NUP214: variants seen among roughly 807,000 people sequenced by gnomAD.
The protein encoded by NUP214 is nuclear pore complex protein Nup214.
Under a neutral mutation model 196.2 loss-of-function variants are expected in NUP214, and 79 were observed. The ratio of observed to expected loss-of-function variants is 0.40; its 90% CI spans 0.34 to 0.49. The LOEUF is 0.49. NUP214 is among the 20% of genes least tolerant of loss of function. The pLI is 0.58. For synonymous variants in NUP214, 1,020 were observed against 990.5 expected (o/e 1.03, Z -0.56); for missense variants, 2,468 against 2,539.0 (o/e 0.97, Z 0.60).
At chr9:131,210,154 C>T (rs1032398679) in intron 30 of NUP214, among the ~76,000 whole-genome samples, 4 of 152,168 alleles carry the variant, frequency 2.6e-5, no homozygotes, top group Non-Finnish European at 5.9e-5. Flanking sequence ...ACATACAGAG[C>T]AACCAAAAAA....
intron 3 of NUP214, chr9:131,128,873 C>T (rs186180191): frequency 2.8e-5 from 8 of 288,462 alleles, no homozygotes; most frequent in East Asian, 8.9e-5. Context: ...CCTTGTCCCT[C>T]GTTCATGCCT....
Position 131,192,229 on chromosome 9 carries a change from C to A in NUP214, c.3596C>A (p.Ala1199Asp). 8.4e-7 allele frequency: 1 copy of A among 1,192,312 alleles called. No individual in the cohort carries two copies. The allele number at this position is 1,192,312 out of a possible 1,614,324, so 73.9% of individuals were successfully genotyped here. The change falls in exon 27 of 36, where the codon GCT becomes GAT. Residue 1199 changes from alanine to aspartate, a missense_variant. Ala to Asp is a moderately radical substitution (Grantham distance 126). Around this residue, in one of 5 missense-constraint regions of NUP214, gnomAD observed 1,801 missense variants for 1,779.4 expected, o/e 1.01. Coordinates refer to ENST00000359428, the MANE Select transcript of NUP214 (RefSeq NM_005085.4). ...TCAGGGACAGCCAAGATAGAAACAG[C>A]TGTGACTTCAACCCCATCTGCTTCT... is the stretch of plus-strand genomic sequence containing the variant. Reference protein sequence around the residue: ...KASGTAKIETAVTSTPSASGQ... With the variant: ...KASGTAKIETDVTSTPSASGQ...
intron 21 of NUP214, among the ~76,000 whole-genome samples, chr9:131,171,467 T>C (rs980431271): frequency 1.3e-5 from 2 of 152,154 alleles, no homozygotes; most frequent in Admixed American, 1.3e-4. Flanking sequence ...TTGTATTAGT[T>C]TCCTATGGAT....
chr9:131,154,780 G>T (rs377708524), intron 17 of NUP214, among the ~76,000 whole-genome samples: 2 of 152,238 alleles, frequency 1.3e-5, no homozygotes, highest in Non-Finnish European at 2.9e-5. Flanking sequence ...CTAGGTTGCT[G>T]CAAATGCCAT....
chr9:131,198,963 A>G lies in NUP214; in HGVS notation c.5469A>G (p.Ser1823=). ...GAGGCTCTGTCTTTGGTGGTACCTCAGCTGCCACCACAACAGCAGCAACCT... is the reference window on the plus strand; with the variant it reads ...GAGGCTCTGTCTTTGGTGGTACCTCGGCTGCCACCACAACAGCAGCAACCT... ...GQGGSVFGGT[S]AATTTAATSG... is the part of the protein sequence containing the mutation. The change falls in exon 29 of 36, where the codon TCA becomes TCG. Residue 1823 remains serine, a synonymous_variant. Coordinates refer to ENST00000359428, the MANE Select transcript of NUP214 (RefSeq NM_005085.4). The G allele has an allele frequency of 6.2e-7, 1 of 1,613,262 alleles. No homozygotes were observed. The highest frequency in any genetic ancestry group is 8.5e-7 in the Non-Finnish European group (1 of 1,179,294).
Position 131,130,848 on chromosome 9 carries a change from T to A in NUP214, c.663+12T>A, listed in dbSNP as rs766505348. ...TCCAGTATCTTCCTGTAAGTTCTTATCTTGAACTTCAGAATTTTTCTTAAG... is the reference window on the plus strand; with the variant it reads ...TCCAGTATCTTCCTGTAAGTTCTTAACTTGAACTTCAGAATTTTTCTTAAG... On this transcript the variant is annotated intron_variant, in intron 5 of 35. Coordinates refer to ENST00000359428, the MANE Select transcript of NUP214 (RefSeq NM_005085.4). The A allele has an allele frequency of 1.2e-6, 2 of 1,611,116 alleles. No homozygotes were observed.
At chr9:131,210,420 G>A (rs561817069) in intron 30 of NUP214, among the ~76,000 whole-genome samples, 150 of 152,282 alleles carry the variant, frequency 9.9e-4, no homozygotes, top group Admixed American at 2.4e-3. Context: ...ACGAGGTCAG[G>A]AGTTCAAGAC....
chr9:131,193,629 CTTTTTTTTTTTTTTTTTTTTTTTTTTTT>C (rs71389402), intron 27 of NUP214, among the ~76,000 whole-genome samples: 1 of 28,228 alleles, frequency 3.5e-5, no homozygotes, highest in Admixed American at 7.9e-4. Context: ...TCTTCCTTTT[CTTTTTTTTTTTTTTTTTTTTTTTTTTTT>C]TTTTTGGATT....
At chr9:131,128,164 C>T (rs1290263933) in intron 2 of NUP214, among the ~76,000 whole-genome samples, 168 bp from the exon 3 acceptor site, 2 of 152,178 alleles carry the variant, frequency 1.3e-5, no homozygotes, top group Non-Finnish European at 2.9e-5. Flanking sequence ...ATACTTAATC[C>T]ATCATTATAT....
intron 31 of NUP214, among the ~76,000 whole-genome samples, chr9:131,219,469 A>AT (rs1451125365): frequency 2.6e-5 from 4 of 152,234 alleles, no homozygotes; most frequent in Admixed American, 1.3e-4. Flanking sequence ...CGTGAGAACT[A>AT]TAACAATGAC....
intron 5 of NUP214, among the ~76,000 whole-genome samples, chr9:131,131,432 G>A (rs1283666301): frequency 4.6e-5 from 7 of 152,208 alleles, no homozygotes; most frequent in Admixed American, 1.3e-4. Flanking sequence ...GCCTGGACAC[G>A]AAGGAGGGAT....
At chr9:131,193,629 C>CTTTTTGTTTTTTT (rs1833678596) in intron 27 of NUP214, among the ~76,000 whole-genome samples, 1 of 28,218 alleles carries the variant, frequency 3.5e-5, no homozygotes, top group African/African-American at 1.2e-4. Context: ...TCTTCCTTTT[C>CTTTTTGTTTTTTT]TTTTTTTTTT....
At chr9:131,229,747 C>T (rs763874538) in intron 33 of NUP214, 6 of 518,878 alleles carry the variant, frequency 1.2e-5, no homozygotes, top group South Asian at 5.6e-5. Context: ...GGGAGCAGGC[C>T]GCTCCTGGGA....
At chr9:131,230,580 A>C (rs779506719) in intron 33 of NUP214, 50 bp from the exon 34 acceptor site, 1 of 1,608,268 alleles carries the variant, frequency 6.2e-7, no homozygotes. Context: ...GCAGATGGGC[A>C]AGTGGTGAGA....
At chr9:131,170,204 A>G (rs1037650054) in intron 21 of NUP214, among the ~76,000 whole-genome samples, 3 of 152,316 alleles carry the variant, frequency 2.0e-5, no homozygotes, top group Admixed American at 6.5e-5. Context: ...TAAATAAAAA[A>G]GAAGGGAGGC....
At chr9:131,132,706 G>T in intron 6 of NUP214, 47 bp downstream of exon 6, 4 of 1,494,706 alleles carry the variant, frequency 2.7e-6, no homozygotes, top group Non-Finnish European at 3.7e-6. Context: ...GACATGTTAT[G>T]TATATTACAG....
Position 131,232,220 on chromosome 9 carries a change from T to G in NUP214, c.6215-64T>G. ...CACAGAGGAGGGCAGACACTTAGCA[T>G]GGGGACCACCTTTGTCTTTCGAGTG... On this transcript the variant is annotated intron_variant, in intron 34 of 35. Transcript: ENST00000359428. The surrounding 1 kb of genome is among the most constrained non-coding windows in gnomAD (Gnocchi z 5.1). The G allele has an allele frequency of 6.3e-7, 1 of 1,583,784 alleles. No individual in the cohort carries two copies.
chr9:131,210,808 G>T (rs1251406213), intron 30 of NUP214, among the ~76,000 whole-genome samples: 3 of 152,138 alleles, frequency 2.0e-5, no homozygotes, highest in Non-Finnish European at 4.4e-5. Flanking sequence ...AATGGATAGA[G>T]CATTTCTACG....
chr9:131,197,144 A>G, intron 28 of NUP214, 72 bp from the exon 29 acceptor site: 1 of 1,560,258 alleles, frequency 6.4e-7, no homozygotes, highest in Non-Finnish European at 8.7e-7. Context: ...GCTTAGAAAC[A>G]CAATCAGTGG....
Sources: allele counts gnomAD v4.1 joint callset (sites outside exome capture counted in the v4.1 genomes callset), GRCh38; gene constraint gnomAD v4.1.1; regional missense constraint gnomAD v4.1.1; non-coding constraint Gnocchi (gnomAD v3.1); transcripts MANE v1.5; gene names NCBI Gene and HGNC (gene_info 2026-07-23, HGNC 2026-07-21).